SLC37A3: variants seen among roughly 807,000 people sequenced by gnomAD.
The protein encoded by SLC37A3 is sugar phosphate exchanger 3.
A neutral mutation model predicts 67.1 loss-of-function variants in SLC37A3; 51 were observed. The observed-to-expected ratio is 0.76, with a 90% CI of 0.61 to 0.96. The LOEUF (loss-of-function observed/expected upper bound fraction) is 0.96. Among genes scored for constraint, SLC37A3 ranks in the 40% least tolerant of loss-of-function variants. The pLI is 0.00. For missense variants in SLC37A3, 508 were observed against 603.0 expected (o/e 0.84, Z 1.65); for synonymous variants, 214 against 231.4 (o/e 0.92, Z 0.68).
intron 1 of SLC37A3, among the ~76,000 whole-genome samples, chr7:140,387,736 CTA>C (rs1563053181): frequency 2.7e-3 from 5 of 1,872 alleles, no homozygotes; most frequent in South Asian, 0.042. Flanking sequence ...TATAAATATA[CTA>C]TATATTATAT....
At chr7:140,398,265 G>A (rs922344751) in intron 1 of SLC37A3, among the ~76,000 whole-genome samples, 151 bp downstream of exon 1, 5 of 152,144 alleles carry the variant, frequency 3.3e-5, no homozygotes, top group Admixed American at 2.0e-4. Context: ...AGGAGAAGGA[G>A]GGGGCGAGCG....
At chr7:140,342,344 A>AG (rs1333878523) in intron 13 of SLC37A3, among the ~76,000 whole-genome samples, 3 of 152,168 alleles carry the variant, frequency 2.0e-5, no homozygotes, top group African/African-American at 4.8e-5. Flanking sequence ...CCTAAAAGAC[A>AG]AATCCTTCAG....
chr7:140,389,694 A>C (rs1434418424), intron 1 of SLC37A3, among the ~76,000 whole-genome samples: 2 of 152,234 alleles, frequency 1.3e-5, no homozygotes, highest in Non-Finnish European at 2.9e-5. Flanking sequence ...CTGCTAAGTA[A>C]AAGATGACTT....
At chr7:140,383,001 C>T (rs1299509030) in intron 1 of SLC37A3, among the ~76,000 whole-genome samples, 4 of 152,002 alleles carry the variant, frequency 2.6e-5, no homozygotes, top group African/African-American at 7.2e-5. Flanking sequence ...AGATTGTGCT[C>T]AATGCAGCTC....
intron 3 of SLC37A3, among the ~76,000 whole-genome samples, chr7:140,371,161 ATTCT>A (rs1050160508): frequency 1.1e-4 from 17 of 151,826 alleles, no homozygotes; most frequent in South Asian, 4.2e-4. Flanking sequence ...CACAAAACGA[ATTCT>A]TTCTATTTTT....
At chr7:140,369,808 G>A (rs1431702023) in intron 3 of SLC37A3, 126 bp from the exon 4 acceptor site, 1 of 716,420 alleles carries the variant, frequency 1.4e-6, no homozygotes, top group Non-Finnish European at 2.3e-6. Flanking sequence ...TACTTCAAAT[G>A]TATTTAGAAA....
chr7:140,386,449 C>CAATAATAAT (rs59004511), intron 1 of SLC37A3, among the ~76,000 whole-genome samples: 12,210 of 146,424 alleles, frequency 0.083, 800 homozygotes, highest in African/African-American at 0.17. Context: ...TATGCAATTA[C>CAATAATAAT]AATAATAATA....
chr7:140,339,237 A>C (rs1563004330), intron 13 of SLC37A3, among the ~76,000 whole-genome samples: 1 of 151,094 alleles, frequency 6.6e-6, no homozygotes, highest in Non-Finnish European at 1.5e-5. Flanking sequence ...ATAAATGTTG[A>C]CATACAAATA....
chr7:140,369,827 A>ATGC, intron 3 of SLC37A3, 145 bp from the exon 4 acceptor site: 1 of 655,424 alleles, frequency 1.5e-6, no homozygotes, highest in East Asian at 2.8e-5. Context: ...AATAACTAGT[A>ATGC]TAGCCGGGCA....
chr7:140,362,310 C>T (rs1371746336), intron 5 of SLC37A3, among the ~76,000 whole-genome samples: 5 of 140,636 alleles, frequency 3.6e-5, no homozygotes, highest in African/African-American at 1.3e-4. Flanking sequence ...AACCCTCTGC[C>T]TGGCAACCGC....
chr7:140,339,509 C>A (rs1489455060), intron 13 of SLC37A3, among the ~76,000 whole-genome samples: 1 of 152,126 alleles, frequency 6.6e-6, no homozygotes, highest in Non-Finnish European at 1.5e-5. Flanking sequence ...GATCTGCCCA[C>A]CTCGGTCTCC....
intron 3 of SLC37A3, 68 bp from the exon 4 acceptor site, chr7:140,369,750 C>T: frequency 7.6e-7 from 1 of 1,319,444 alleles, no homozygotes; most frequent in Non-Finnish European, 1.1e-6. Context: ...TTCCCAAAGC[C>T]CCTTCACAAA....
chr7:140,341,722 G>A (rs1269805622), intron 13 of SLC37A3, among the ~76,000 whole-genome samples: 4 of 152,164 alleles, frequency 2.6e-5, no homozygotes, highest in Non-Finnish European at 5.9e-5. Flanking sequence ...GATACTGGCA[G>A]GTGAGGCAAT....
chr7:140,348,637 C>G lies in SLC37A3; in HGVS notation c.1013G>C (p.Gly338Ala). 1 of 1,613,846 alleles carries G rather than the reference C, an allele frequency of 6.2e-7. No individual in the cohort carries two copies. The highest frequency in any genetic ancestry group is 8.5e-7 in the Non-Finnish European group (1 of 1,179,962). ...TATCACCGGCATACCTATGATCCCT[C>G]CAACGTCGTACCAAATGGACAGCTT... ...ADKLSIWYDV[G>A]GIIGGTLQGF... Residue 338 changes from glycine (G) to alanine (A), a missense_variant, in exon 10 of 15, where the codon GGA (glycine) becomes GCA (alanine). Physicochemically the swap from Gly to Ala is moderately conservative, Grantham distance 60. Transcript: ENST00000326232.
At chr7:140,381,888 C>T (rs1167568028) in intron 2 of SLC37A3, among the ~76,000 whole-genome samples, 1 of 151,724 alleles carries the variant, frequency 6.6e-6, no homozygotes, top group East Asian at 1.9e-4. Context: ...GTGACACGCA[C>T]CTGTAATCCC....
chr7:140,363,740 CAAAA>C (rs71170980), intron 5 of SLC37A3, among the ~76,000 whole-genome samples: 2 of 107,862 alleles, frequency 1.9e-5, no homozygotes, highest in African/African-American at 3.6e-5. Context: ...AACTCCGCCT[CAAAA>C]AAAAAAAAAA....
chr7:140,343,203 T>A (rs2117033512), intron 13 of SLC37A3, among the ~76,000 whole-genome samples: 1 of 152,262 alleles, frequency 6.6e-6, no homozygotes, highest in East Asian at 1.9e-4. Context: ...TCTAGAAGTA[T>A]AAGTAGAAAA....
chr7:140,343,153 C>T (rs61639090), intron 13 of SLC37A3, among the ~76,000 whole-genome samples: 8 of 152,138 alleles, frequency 5.3e-5, no homozygotes, highest in Non-Finnish European at 8.8e-5. Flanking sequence ...AAGGATCTGT[C>T]TGTCTTACGA....
chr7:140,334,983 G>A lies in SLC37A3; in HGVS notation c.*429C>T. On this transcript the variant is annotated 3_prime_UTR_variant, in exon 15 of 15. Transcript: ENST00000326232. ...TGTAAACTCATTACCAAAGCAAAAT[G>A]CAATGATCTCTTCCATTTGTGGAAC... The A allele has an allele frequency of 2.3e-6, 1 of 426,186 alleles. No homozygotes were observed. The highest frequency in any genetic ancestry group is 4.4e-6 in the Non-Finnish European group (1 of 229,558). 26.4% of individuals were successfully genotyped at this position (426,186 alleles called of 1,614,324 possible). A position where few individuals can be genotyped will look rare whatever the true frequency, so the allele number is the denominator to read the frequency against.
Sources: allele counts gnomAD v4.1 joint callset (sites outside exome capture counted in the v4.1 genomes callset), GRCh38; gene constraint gnomAD v4.1.1; transcripts MANE v1.5; gene names NCBI Gene and HGNC (gene_info 2026-07-23, HGNC 2026-07-21).